Variants in AUTS2 observed in about 807,000 individuals in gnomAD.
AUTS2 encodes activator of transcription and developmental regulator AUTS2.
Under a neutral mutation model 112.4 loss-of-function variants are expected in AUTS2, and 17 were observed. That is an observed-to-expected ratio of 0.15 (90% CI 0.10 to 0.23). The LOEUF (loss-of-function observed/expected upper bound fraction) is 0.23, where lower values mean the gene tolerates loss of function less well. Ranked by LOEUF, AUTS2 falls within the 10% of genes least tolerant of loss-of-function variation. The probability of loss-of-function intolerance (pLI) is 1.00; values close to 1 mark genes in which losing one functional copy is unlikely to be tolerated. For missense variants in AUTS2, 1,510 were observed against 1,701.6 expected (o/e 0.89, Z 1.98); for synonymous variants, 751 against 702.7 (o/e 1.07, Z -1.09).
chr7:70,147,380 G>C (rs1289197420), intron 4 of AUTS2, among the ~76,000 whole-genome samples: 1 of 152,104 alleles, frequency 6.6e-6, no homozygotes, highest in Non-Finnish European at 1.5e-5. Flanking sequence ...TGAAATGAGT[G>C]TGTAGATGGA....
At chr7:70,776,104 C>T (rs954990403) in intron 13 of AUTS2, among the ~76,000 whole-genome samples, 2 of 152,222 alleles carry the variant, frequency 1.3e-5, no homozygotes, top group Non-Finnish European at 2.9e-5. Flanking sequence ...TGATTTCAAA[C>T]TACCCATAAT....
intron 4 of AUTS2, among the ~76,000 whole-genome samples, chr7:70,239,409 A>G (rs1378630849): frequency 6.6e-6 from 1 of 152,116 alleles, no homozygotes; most frequent in Admixed American, 6.5e-5. Flanking sequence ...ATATGAATTC[A>G]TGCAGAGCCA....
intron 4 of AUTS2, among the ~76,000 whole-genome samples, chr7:70,242,638 T>C (rs890624500): frequency 6.6e-6 from 1 of 152,184 alleles, no homozygotes; most frequent in Admixed American, 6.6e-5. Flanking sequence ...CATGAAAATA[T>C]TATCATGCCC....
chr7:70,707,520 G>T (rs1053386432), intron 6 of AUTS2, among the ~76,000 whole-genome samples: 4 of 152,152 alleles, frequency 2.6e-5, no homozygotes, highest in African/African-American at 9.7e-5. Flanking sequence ...AAGCGGGATG[G>T]TAAAAATTCG....
chr7:70,435,925 G>C, intron 5 of AUTS2, 144 bp downstream of exon 5: 1 of 811,120 alleles, frequency 1.2e-6, no homozygotes, highest in South Asian at 2.0e-5. Flanking sequence ...TATTCACACA[G>C]TGACATTTCC....
At chr7:70,459,370 A>G (rs1172742555) in intron 5 of AUTS2, among the ~76,000 whole-genome samples, 1 of 152,200 alleles carries the variant, frequency 6.6e-6, no homozygotes, top group Non-Finnish European at 1.5e-5. Context: ...TTTGGTTTCC[A>G]AAAGTGGTAC....
chr7:70,335,932 A>G lies in AUTS2; in HGVS notation c.661-99820A>G, dbSNP rs1319623486. Among the ~76,000 whole-genome samples the G allele has an allele frequency of 3.3e-5, 5 of 152,214 alleles. No homozygotes were observed. The East Asian group carries it at 9.6e-4, about 29-fold the overall frequency. The stretch of plus-strand genomic sequence containing the variant: ...ACAGTTAAATTGAGTATGGATATGT[A>G]AAGTGATTAACCAAGACTTGACAGC... On this transcript the variant is annotated intron_variant, in intron 4 of 18. Coordinates refer to ENST00000342771, the MANE Select transcript of AUTS2 (RefSeq NM_015570.4).
chr7:70,277,958 ATG>A (rs35350185), intron 4 of AUTS2, among the ~76,000 whole-genome samples: 1,628 of 91,790 alleles, frequency 0.018, 14 homozygotes, highest in African/African-American at 0.044. Flanking sequence ...GTATGTATGT[ATG>A]TGTGTGTGTG....
intron 6 of AUTS2, among the ~76,000 whole-genome samples, chr7:70,759,375 C>T (rs904805513): frequency 6.6e-6 from 1 of 152,208 alleles, no homozygotes; most frequent in African/African-American, 2.4e-5. Flanking sequence ...GTGATCCTCA[C>T]ATCAGCAGCC....
chr7:70,607,914 G>A (rs1450245177), intron 5 of AUTS2, among the ~76,000 whole-genome samples: 1 of 152,210 alleles, frequency 6.6e-6, no homozygotes, highest in Non-Finnish European at 1.5e-5. Context: ...CATGTGGAAT[G>A]TTGGTGGTCA....
intron 1 of AUTS2, among the ~76,000 whole-genome samples, chr7:69,650,183 T>C (rs770340888): frequency 2.0e-5 from 3 of 152,208 alleles, no homozygotes; most frequent in Non-Finnish European, 4.4e-5. Flanking sequence ...AAAATTGTGC[T>C]CTGATGGCCA....
At chr7:70,192,605 G>T (rs892516228) in intron 4 of AUTS2, among the ~76,000 whole-genome samples, 1 of 152,190 alleles carries the variant, frequency 6.6e-6, no homozygotes, top group African/African-American at 2.4e-5. Context: ...CATCATGCTT[G>T]CAGAGAAGAA....
chr7:70,345,768 A>G (rs1791467961), intron 4 of AUTS2, among the ~76,000 whole-genome samples: 1 of 152,158 alleles, frequency 6.6e-6, no homozygotes. Context: ...AGTTTTGTCT[A>G]AGAAGCCATC....
At chr7:69,930,768 C>T (rs956651011) in intron 2 of AUTS2, among the ~76,000 whole-genome samples, 4 of 152,064 alleles carry the variant, frequency 2.6e-5, no homozygotes, top group African/African-American at 7.2e-5. Flanking sequence ...GTTCTTACTT[C>T]CTAGTATATT....
At chr7:70,107,335 CTTTTTTTT>C in intron 2 of AUTS2, among the ~76,000 whole-genome samples, 1 of 96,936 alleles carries the variant, frequency 1.0e-5, no homozygotes, top group South Asian at 4.1e-4. Context: ...AGATGAGAAG[CTTTTTTTT>C]TTTTTTTTTT....
chr7:70,525,616 C>T (rs1799808918), intron 5 of AUTS2, among the ~76,000 whole-genome samples: 1 of 152,158 alleles, frequency 6.6e-6, no homozygotes. Context: ...GACTGAGCAA[C>T]ATTCAGAGCA....
chr7:70,422,306 T>C lies in AUTS2; in HGVS notation c.661-13446T>C, dbSNP rs1274945177. Among the ~76,000 whole-genome samples the C allele has an allele frequency of 3.3e-5, 5 of 152,232 alleles. No homozygotes were observed. In the East Asian group the frequency reaches 9.6e-4, roughly 29 times the overall value. On this transcript the variant is annotated intron_variant, in intron 4 of 18. Transcript: ENST00000342771. ...ATGTCTTAGCAATATGAGAGCACCA[T>C]TGTCCCTCTTCCTGCTCAATTCCAG...
chr7:70,746,466 A>G (rs1027225038), intron 6 of AUTS2, among the ~76,000 whole-genome samples: 2 of 152,206 alleles, frequency 1.3e-5, no homozygotes, highest in South Asian at 2.1e-4. Flanking sequence ...TTTTATTGTC[A>G]TTCAAATATG....
At chr7:70,715,582 G>A (rs1455344544) in intron 6 of AUTS2, among the ~76,000 whole-genome samples, 1 of 150,332 alleles carries the variant, frequency 6.7e-6, no homozygotes, top group Non-Finnish European at 1.5e-5. Context: ...CACCCAGCCT[G>A]TAGCAGTGGC....
Sources: gnomAD v4.1 joint callset for allele counts (sites outside exome capture counted in the v4.1 genomes callset) on GRCh38, gnomAD v4.1.1 for gene constraint, MANE v1.5 for transcripts, NCBI Gene and HGNC (gene_info 2026-07-23, HGNC 2026-07-21) for gene names.